The following CPLX4 variants were observed in gnomAD, a reference collection of about 807,000 sequenced individuals.
The protein encoded by CPLX4 is complexin-4.
A neutral mutation model predicts 16.1 loss-of-function variants in CPLX4; 17 were observed. That is an observed-to-expected ratio of 1.06 (90% CI 0.72 to 1.59). The LOEUF (loss-of-function observed/expected upper bound fraction) is 1.59, where lower values mean the gene tolerates loss of function less well. Ranked by LOEUF, CPLX4 falls within the 40% of genes most tolerant of loss-of-function variation. CPLX4 has a pLI of 0.00. For synonymous variants in CPLX4, 55 were observed against 57.8 expected, an observed-to-expected ratio of 0.95 and a Z score of 0.22; for missense variants, 193 against 192.9, an observed-to-expected ratio of 1.00 and a Z score of 0.00.
At chr18:59,313,717 G>T (rs2070633443) in intron 1 of CPLX4, among the ~76,000 whole-genome samples, 1 of 152,200 alleles carries the variant, frequency 6.6e-6, no homozygotes, top group South Asian at 2.1e-4. Flanking sequence ...AGATGAACTT[G>T]GTAGCCATTG....
chr18:59,300,494 T>A (rs654802), intron 2 of CPLX4, among the ~76,000 whole-genome samples: 1 of 151,908 alleles, frequency 6.6e-6, no homozygotes, highest in Non-Finnish European at 1.5e-5. Context: ...TCTTTATAAT[T>A]CCATTGGGGC....
At chr18:59,304,032 A>G (rs2070559048) in intron 2 of CPLX4, among the ~76,000 whole-genome samples, 1 of 152,156 alleles carries the variant, frequency 6.6e-6, no homozygotes, top group Non-Finnish European at 1.5e-5. Context: ...TCACACAATC[A>G]TCTTTGTTAT....
intron 2 of CPLX4, among the ~76,000 whole-genome samples, chr18:59,308,924 A>G (rs2070597009): frequency 6.6e-6 from 1 of 152,192 alleles, no homozygotes; most frequent in Non-Finnish European, 1.5e-5. Context: ...GAGGCAGAGG[A>G]GGCGCCCAAG....
At position 59,296,764 on chromosome 18, in the gene CPLX4, T is replaced by A; in HGVS notation, c.417A>T (p.Lys139Asn). The change falls in exon 3 of 3, where the codon AAA becomes AAT. Residue 139 changes from lysine (K) to asparagine (N), a missense_variant. Lys to Asn is a moderately conservative substitution (Grantham distance 94, BLOSUM62 0). Coordinates refer to ENST00000299721, the MANE Select transcript of CPLX4 (RefSeq NM_181654.4). ...CAGTGAAGGTGGCCTGGGCTTTTTC[T>A]TTTATGGTATCCAAGTCCATGTTCT... ...NLQNMDLDTI[K>N]EKAQATFTEI... 6.2e-7 allele frequency: 1 copy of A among 1,613,732 alleles called. No homozygotes were observed. The highest frequency in any genetic ancestry group is 8.5e-7 in the Non-Finnish European group (1 of 1,179,914).
At chr18:59,310,319 A>G (rs528481667) in intron 2 of CPLX4, among the ~76,000 whole-genome samples, 29 of 152,270 alleles carry the variant, frequency 1.9e-4, no homozygotes, top group Admixed American at 1.1e-3. Flanking sequence ...TTTCATGGCT[A>G]TCATTTTTTC....
intron 2 of CPLX4, among the ~76,000 whole-genome samples, chr18:59,301,738 G>C (rs2070542955): frequency 6.6e-6 from 1 of 152,224 alleles, no homozygotes; most frequent in Non-Finnish European, 1.5e-5. Flanking sequence ...CCGTTTTCTG[G>C]TGGAGGCAGC....
intron 2 of CPLX4, among the ~76,000 whole-genome samples, chr18:59,310,768 T>C (rs2070611202): frequency 6.6e-6 from 1 of 152,280 alleles, no homozygotes; most frequent in South Asian, 2.1e-4. Context: ...GCTCAGATTT[T>C]TTTTTCTATT....
intron 2 of CPLX4, among the ~76,000 whole-genome samples, chr18:59,304,746 ATT>A (rs998944075): frequency 2.0e-5 from 3 of 151,876 alleles, no homozygotes; most frequent in African/African-American, 7.3e-5. Flanking sequence ...TAATTTTTGT[ATT>A]TTTAGTAGAG....
At chr18:59,309,594 T>G (rs1387959617) in intron 2 of CPLX4, among the ~76,000 whole-genome samples, 1 of 151,636 alleles carries the variant, frequency 6.6e-6, no homozygotes. Flanking sequence ...GAGGCCGAGG[T>G]GGGCGGATCA....
intron 2 of CPLX4, among the ~76,000 whole-genome samples, chr18:59,299,531 C>T (rs370252629): frequency 1.7e-4 from 26 of 152,162 alleles, no homozygotes; most frequent in Non-Finnish European, 2.9e-4. Flanking sequence ...TGAGGGCTCA[C>T]GGGATGGTGC....
chr18:59,301,010 GTTC>G (rs2070537292), intron 2 of CPLX4, among the ~76,000 whole-genome samples: 2 of 152,218 alleles, frequency 1.3e-5, no homozygotes, highest in African/African-American at 4.8e-5. Flanking sequence ...GCTGATAGAA[GTTC>G]CTGGCTCACA....
chr18:59,297,032 T>A, intron 2 of CPLX4, 107 bp from the exon 3 acceptor site: 1 of 1,472,290 alleles, frequency 6.8e-7, no homozygotes, highest in Middle Eastern at 2.4e-4. Flanking sequence ...ATACAGGAAG[T>A]GAGTGGCACT....
At chr18:59,310,086 T>C (rs2144188681) in intron 2 of CPLX4, among the ~76,000 whole-genome samples, 1 of 152,134 alleles carries the variant, frequency 6.6e-6, no homozygotes, top group East Asian at 1.9e-4. Context: ...TCATGGTCTA[T>C]GAGAAAATCA....
chr18:59,310,670 T>C (rs2070610472), intron 2 of CPLX4, among the ~76,000 whole-genome samples: 1 of 152,190 alleles, frequency 6.6e-6, no homozygotes, highest in South Asian at 2.1e-4. Flanking sequence ...TCAGGCGTTG[T>C]ACTAGGTCCT....
At chr18:59,299,192 C>T (rs1434771722) in intron 2 of CPLX4, among the ~76,000 whole-genome samples, 1 of 152,232 alleles carries the variant, frequency 6.6e-6, no homozygotes, top group Non-Finnish European at 1.5e-5. Context: ...TATTTGCCTT[C>T]CCTAGCGGCT....
intron 2 of CPLX4, among the ~76,000 whole-genome samples, chr18:59,298,705 A>T (rs2070519738): frequency 6.6e-6 from 1 of 152,176 alleles, no homozygotes; most frequent in Non-Finnish European, 1.5e-5. Context: ...AGTTGTCTCT[A>T]GGTCCAAACA....
chr18:59,310,947 CGTGTGT>C (rs56041362), intron 2 of CPLX4, among the ~76,000 whole-genome samples: 7,647 of 143,498 alleles, frequency 0.053, 308 homozygotes, highest in African/African-American at 0.11. Flanking sequence ...CCCAGCCAAT[CGTGTGT>C]GTGTGTGTGT....
At position 59,295,732 on chromosome 18, in the gene CPLX4, A is replaced by C. The variant is rs2070495069; in HGVS notation, c.*966T>G. ...AGTGTCTACCCTGAAAGCTTGTGGC[A>C]CCAAATGACAGTGTGATTTACTGGA... is the stretch of plus-strand genomic sequence containing the variant. On this transcript the variant is annotated 3_prime_UTR_variant, in exon 3 of 3. Coordinates refer to ENST00000299721, the MANE Select transcript of CPLX4 (RefSeq NM_181654.4). The C allele has an allele frequency of 6.6e-6, 1 of 151,982 alleles. No individual in the cohort carries two copies. The highest frequency in any genetic ancestry group is 6.6e-5 in the Admixed American group (1 of 15,262). 9.4% of individuals were successfully genotyped at this position (151,982 alleles called of 1,614,324 possible).
intron 1 of CPLX4, among the ~76,000 whole-genome samples, chr18:59,317,426 G>T (rs1174788493): frequency 6.6e-6 from 1 of 152,040 alleles, no homozygotes; most frequent in Non-Finnish European, 1.5e-5. Flanking sequence ...TTCAGAATCA[G>T]TCTTCAAGTG....
Sources: allele counts gnomAD v4.1 joint callset (sites outside exome capture counted in the v4.1 genomes callset), GRCh38; gene constraint gnomAD v4.1.1; transcripts MANE v1.5; gene names NCBI Gene and HGNC (gene_info 2026-07-23, HGNC 2026-07-21).